Variants in ARPC5L observed in about 807,000 individuals in gnomAD.
ARPC5L encodes actin-related protein 2/3 complex subunit 5-like protein.
A neutral mutation model predicts 16.9 loss-of-function variants in ARPC5L; 4 were observed. The ratio of observed to expected loss-of-function variants is 0.24; its 90% CI spans 0.12 to 0.54. ARPC5L has a LOEUF of 0.54. ARPC5L is among the 20% of genes least tolerant of loss of function. ARPC5L has a pLI of 0.95. For synonymous variants in ARPC5L, 78 were observed against 82.6 expected (o/e 0.94, Z 0.30); for missense variants, 151 against 201.9 (o/e 0.75, Z 1.53).
chr9:124,863,298 G>C (rs1007356628), intron 1 of ARPC5L, among the ~76,000 whole-genome samples: 2 of 152,126 alleles, frequency 1.3e-5, no homozygotes, highest in Non-Finnish European at 2.9e-5. Flanking sequence ...GGGACTACAG[G>C]TGTGTGCCAC....
chr9:124,869,572 C>A, intron 3 of ARPC5L, 133 bp downstream of exon 3: 1 of 1,346,246 alleles, frequency 7.4e-7, no homozygotes, highest in Non-Finnish European at 9.5e-7. Context: ...GCCTCCAGCT[C>A]CCTGCCGACC....
At position 124,876,869 on chromosome 9, in the gene ARPC5L, C is replaced by T. The variant is rs774568843; in HGVS notation, c.400-9C>T. Reference sequence around the variant, plus strand: ...TCATCTGACACGTTTTCTTTTCCTGCCCCCACAGGCCTTAGCAGTAGGAGG... The same window carrying T: ...TCATCTGACACGTTTTCTTTTCCTGTCCCCACAGGCCTTAGCAGTAGGAGG... On this transcript the variant is annotated splice_polypyrimidine_tract_variant and intron_variant, in intron 5 of 5. Coordinates refer to ENST00000353214, the MANE Select transcript of ARPC5L (RefSeq NM_030978.3). The T allele has an allele frequency of 1.2e-6, 2 of 1,608,616 alleles. No homozygotes were observed. The highest frequency in any genetic ancestry group is 1.7e-4 in the Middle Eastern group (1 of 6,040).
chr9:124,867,926 C>T (rs1256718488), intron 2 of ARPC5L, among the ~76,000 whole-genome samples: 1 of 151,570 alleles, frequency 6.6e-6, no homozygotes, highest in African/African-American at 2.4e-5. Context: ...TCTCCTGCCT[C>T]AGCCTCCCGA....
Position 124,877,216 on chromosome 9 carries a change from A to AC in ARPC5L, c.*278dup, listed in dbSNP as rs939468562. The AC allele has an allele frequency of 7.8e-6, 3 of 386,208 alleles. No homozygotes were observed. The highest frequency in any genetic ancestry group is 1.4e-5 in the Non-Finnish European group (3 of 213,920). The allele number at this position is 386,208 out of a possible 1,614,324, so 23.9% of individuals were successfully genotyped here. A position where few individuals can be genotyped will look rare whatever the true frequency, so the allele number is the denominator to read the frequency against. ...GTGGCGGCTGGTGTTGGTCAGATGCACCTGTGTGCACTGGGGGAGGGATGG... is the reference window on the plus strand; with the variant it reads ...GTGGCGGCTGGTGTTGGTCAGATGCACCCTGTGTGCACTGGGGGAGGGATGG... On this transcript the variant is annotated 3_prime_UTR_variant, in exon 6 of 6. Transcript: ENST00000353214.
chr9:124,866,029 C>T (rs1029642438), intron 2 of ARPC5L, among the ~76,000 whole-genome samples: 1 of 152,038 alleles, frequency 6.6e-6, no homozygotes, highest in Non-Finnish European at 1.5e-5. Flanking sequence ...CACTTGAACC[C>T]TGGAGGCGGA....
chr9:124,866,248 A>G (rs1348744169), intron 2 of ARPC5L, among the ~76,000 whole-genome samples: 3 of 151,450 alleles, frequency 2.0e-5, no homozygotes, highest in Non-Finnish European at 4.4e-5. Flanking sequence ...TACTAAAAAT[A>G]CAAAAATTAG....
chr9:124,872,680 G>A (rs1829377019), intron 3 of ARPC5L: 1 of 152,300 alleles, frequency 6.6e-6, no homozygotes, highest in Non-Finnish European at 1.5e-5. Flanking sequence ...AGGAACTCCA[G>A]AACTGAAAGA....
Position 124,875,021 on chromosome 9 carries a change from G to C in ARPC5L, c.269G>C (p.Ser90Thr). The stretch of plus-strand genomic sequence containing the variant: ...CTGAAAGTGCTCACAAACTTCAAGA[G>C]CAGTGAGATTGAGCAGGCTGTGCAG... ...VVLKVLTNFKSSEIEQAVQSL... is the reference protein window; with the variant it reads ...VVLKVLTNFKTSEIEQAVQSL... The change falls in exon 5 of 6, where the codon AGC becomes ACC. Residue 90 changes from serine (S) to threonine (T), a missense_variant. Transcript: ENST00000353214. 6.2e-7 allele frequency: 1 copy of C among 1,614,070 alleles called. No homozygotes were observed. Among genetic ancestry groups the C allele is most frequent in the Non-Finnish European group, 8.5e-7 (1 of 1,179,918 alleles).
intron 2 of ARPC5L, among the ~76,000 whole-genome samples, chr9:124,867,081 G>A (rs1318280969): frequency 4.0e-5 from 6 of 150,522 alleles, no homozygotes; most frequent in Non-Finnish European, 2.9e-5. Flanking sequence ...CTGAGCCTTC[G>A]CTTAGTTGCC....
rs149526032 is a variant in ARPC5L at position 124,873,898 on chromosome 9, T to G, written c.222+134T>G. The G allele has an allele frequency of 2.5e-3, 2,419 of 973,262 alleles. 43 individuals are homozygous for G. The African/African-American group carries it at 0.035, about 14-fold the overall frequency. The allele number at this position is 973,262 out of a possible 1,614,324, so 60.3% of individuals were successfully genotyped here. A position where few individuals can be genotyped will look rare whatever the true frequency, so the allele number is the denominator to read the frequency against. ...ACTGGGCGGGGCTTCCAGGGAAGCCTCCTGGCGCTCCCTAGGTGGTGAGGC... is the reference window on the plus strand; with the variant it reads ...ACTGGGCGGGGCTTCCAGGGAAGCCGCCTGGCGCTCCCTAGGTGGTGAGGC... On this transcript the variant is annotated intron_variant, in intron 4 of 5. Coordinates refer to ENST00000353214, the MANE Select transcript of ARPC5L (RefSeq NM_030978.3).
intron 1 of ARPC5L, among the ~76,000 whole-genome samples, chr9:124,863,112 T>C (rs1326968041): frequency 6.6e-6 from 1 of 151,726 alleles, no homozygotes. Flanking sequence ...TTACAGGGGT[T>C]AGCCACCTCG....
intron 3 of ARPC5L, among the ~76,000 whole-genome samples, chr9:124,870,170 A>G (rs1408187173): frequency 6.6e-6 from 1 of 152,174 alleles, no homozygotes; most frequent in East Asian, 1.9e-4. Context: ...GGAGAAAACT[A>G]GTAGTTCAGA....
At chr9:124,870,661 G>C (rs1028734475) in intron 3 of ARPC5L, among the ~76,000 whole-genome samples, 4 of 152,192 alleles carry the variant, frequency 2.6e-5, no homozygotes, top group African/African-American at 9.7e-5. Flanking sequence ...ATGAAATGGG[G>C]TCAAGGGAAG....
intron 2 of ARPC5L, among the ~76,000 whole-genome samples, chr9:124,864,335 G>C (rs968923103): frequency 6.6e-6 from 1 of 151,832 alleles, no homozygotes; most frequent in Admixed American, 6.6e-5. Context: ...ACATAGGTGC[G>C]TGCCACCATG....
chr9:124,876,732 C>G, intron 5 of ARPC5L, 146 bp from the exon 6 acceptor site: 1 of 667,874 alleles, frequency 1.5e-6, no homozygotes, highest in Non-Finnish European at 2.5e-6. Flanking sequence ...GGCTCCTTCC[C>G]TAGAATGTGC....
intron 3 of ARPC5L, 33 bp downstream of exon 3, chr9:124,869,472 G>A: frequency 7.0e-7 from 1 of 1,421,900 alleles, no homozygotes; most frequent in Non-Finnish European, 9.2e-7. Flanking sequence ...CCGGGCCTGC[G>A]CGCGGCCTTC....
Position 124,869,325 on chromosome 9 carries a change from G to A in ARPC5L, c.35G>A (p.Arg12Gln), listed in dbSNP as rs1490737374. ...ARNTLSSRFR[R>Q]VDIDEFDENK... The stretch of plus-strand genomic sequence containing the variant: ...AACACGCTGTCCTCGCGCTTCCGCC[G>A]GGTGGACATCGACGAATTTGACGAG... The change falls in exon 3 of 6, where the codon CGG becomes CAG. Residue 12 changes from arginine (R) to glutamine (Q), a missense_variant. Physicochemically the swap from Arg to Gln is conservative, Grantham distance 43. Coordinates refer to ENST00000353214, the MANE Select transcript of ARPC5L (RefSeq NM_030978.3). The A allele has an allele frequency of 6.5e-7, 1 of 1,531,296 alleles. No individual in the cohort carries two copies. The highest frequency in any genetic ancestry group is 2.0e-5 in the Admixed American group (1 of 50,068). The allele number at this position is 1,531,296 out of a possible 1,614,324, so 94.9% of individuals were successfully genotyped here.
At position 124,875,128 on chromosome 9, in the gene ARPC5L, G is replaced by A. The variant is rs774838610; in HGVS notation, c.376G>A (p.Val126Met). ...GAAGCCCACAGAAAATAGCAGCGCA[G>A]TGTTACTCCAGTGGCACGAAAAGGT... The part of the protein sequence containing the change: ...FEKPTENSSA[V>M]LLQWHEKALA... The change falls in exon 5 of 6, where the codon GTG (valine) becomes ATG (methionine). Residue 126 changes from valine to methionine, a missense_variant. Coordinates refer to ENST00000353214, the MANE Select transcript of ARPC5L (RefSeq NM_030978.3). 4 of 1,613,950 alleles carry A rather than the reference G, an allele frequency of 2.5e-6. No homozygotes were observed. Among genetic ancestry groups the A allele is most frequent in the Non-Finnish European group, 3.4e-6 (4 of 1,179,926 alleles).
rs958157906 is a variant in ARPC5L, at chr9:124,876,486, CA to C, written c.400-384del. Among the ~76,000 whole-genome samples the C allele has an allele frequency of 4.0e-5, 6 of 151,872 alleles. No individual in the cohort carries two copies. In the South Asian group the frequency reaches 1.2e-3, roughly 32 times the overall value. ...GGGTGACAAGAGCGAAACTCCGTCT[CA>C]AAAAAAATAAATTAGCCGGGCCTGG... On this transcript the variant is annotated intron_variant, in intron 5 of 5. Coordinates refer to ENST00000353214, the MANE Select transcript of ARPC5L (RefSeq NM_030978.3).
Sources: allele counts gnomAD v4.1 joint callset (sites outside exome capture counted in the v4.1 genomes callset), GRCh38; gene constraint gnomAD v4.1.1; transcripts MANE v1.5; gene names NCBI Gene and HGNC (gene_info 2026-07-23, HGNC 2026-07-21).